The following SCAI variants were observed in gnomAD, a reference collection of about 807,000 sequenced individuals.
The protein encoded by SCAI is protein SCAI.
Under a neutral mutation model 92.2 loss-of-function variants are expected in SCAI, and 24 were observed. The observed-to-expected ratio is 0.26, with a 90% CI of 0.19 to 0.37. The LOEUF (loss-of-function observed/expected upper bound fraction) is 0.37. SCAI is among the 10% of genes least tolerant of loss of function. The probability of loss-of-function intolerance (pLI) is 1.00; values close to 1 mark genes in which losing one functional copy is unlikely to be tolerated. For synonymous variants in SCAI, 261 were observed against 258.6 expected, an observed-to-expected ratio of 1.01 and a Z score of -0.09; for missense variants, 450 against 736.2, an observed-to-expected ratio of 0.61 and a Z score of 4.50.
intron 17 of SCAI, among the ~76,000 whole-genome samples, chr9:124,956,452 C>T (rs1242654597): frequency 1.3e-5 from 2 of 152,182 alleles, no homozygotes; most frequent in African/African-American, 4.8e-5. Context: ...CTCCCAACCT[C>T]AGGTGATCTG....
chr9:125,016,220 A>C (rs1436996724), intron 9 of SCAI, among the ~76,000 whole-genome samples: 1 of 134,570 alleles, frequency 7.4e-6, no homozygotes, highest in Non-Finnish European at 1.5e-5. Context: ...TAATAAATAC[A>C]AAAAAAAAAT....
rs1184697065 is a variant in SCAI at position 124,947,186 on chromosome 9, A to AT, written c.*5620dup. The AT allele has an allele frequency of 6.6e-6, 1 of 152,100 alleles. No homozygotes were observed. The highest frequency in any genetic ancestry group is 2.4e-5 in the African/African-American group (1 of 41,416). 9.4% of individuals were successfully genotyped at this position (152,100 alleles called of 1,614,324 possible). On this transcript the variant is annotated 3_prime_UTR_variant, in exon 18 of 18. Transcript: ENST00000336505. ...TATGTTTTTAAATGTGATTAAAGCA[A>AT]TTTTTTTCCACAGCCTCTCTATTAA...
intron 6 of SCAI, among the ~76,000 whole-genome samples, chr9:125,023,092 A>G (rs1455960858): frequency 6.6e-6 from 1 of 152,134 alleles, no homozygotes; most frequent in Non-Finnish European, 1.5e-5. Context: ...ATTTGGCTCC[A>G]TTTTATTTTA....
At chr9:125,119,564 T>C (rs79965408) in intron 2 of SCAI, among the ~76,000 whole-genome samples, 4 of 152,152 alleles carry the variant, frequency 2.6e-5, no homozygotes, top group Non-Finnish European at 4.4e-5. Flanking sequence ...AAGGTAGAAA[T>C]ACATCTTGTT....
intron 14 of SCAI, among the ~76,000 whole-genome samples, chr9:124,986,990 C>A (rs1280865235): frequency 6.6e-6 from 1 of 152,188 alleles, no homozygotes; most frequent in Non-Finnish European, 1.5e-5. Flanking sequence ...AAAGGATTTT[C>A]TTCTTCCAGG....
At chr9:124,981,654 ATTTT>A in intron 14 of SCAI, among the ~76,000 whole-genome samples, 1 of 145,714 alleles carries the variant, frequency 6.9e-6, no homozygotes, top group Admixed American at 6.9e-5. Context: ...ATAGTATTAA[ATTTT>A]TTTTTTTTTT....
rs1401013984 is a variant in SCAI, at chr9:124,955,098, G to T, written c.1675-2145C>A. On this transcript the variant is annotated intron_variant, in intron 17 of 17. Transcript: ENST00000336505. ...CAGGAGAATTGCTTGAGCCCAAGAG[G>T]CGGAGGTTGCAGTGAGCCAAGATCG... 3.3e-5 allele frequency among the ~76,000 whole-genome samples: 5 copies of T among 151,658 alleles called. No homozygotes were observed. The East Asian group carries it at 9.7e-4, about 29-fold the overall frequency.
At chr9:125,048,125 T>G (rs978605518) in intron 3 of SCAI, among the ~76,000 whole-genome samples, 1 of 152,118 alleles carries the variant, frequency 6.6e-6, no homozygotes, top group African/African-American at 2.4e-5. Flanking sequence ...ACTACAGGCA[T>G]GTGCCACCAT....
chr9:125,129,322 T>A (rs1178934202), intron 2 of SCAI, among the ~76,000 whole-genome samples: 1 of 150,536 alleles, frequency 6.6e-6, no homozygotes, highest in Non-Finnish European at 1.5e-5. Flanking sequence ...ACGCCTGTAA[T>A]CCTAACTACT....
chr9:125,085,010 G>T (rs1224449851), intron 2 of SCAI, among the ~76,000 whole-genome samples: 1 of 152,180 alleles, frequency 6.6e-6, no homozygotes, highest in Non-Finnish European at 1.5e-5. Flanking sequence ...TTGTATGGAG[G>T]ATAATGAGCA....
At chr9:124,975,352 A>G (rs1831734438) in intron 15 of SCAI, 1 of 456,616 alleles carries the variant, frequency 2.2e-6, no homozygotes, top group South Asian at 1.5e-5. Flanking sequence ...GCTGGGAAGT[A>G]GCAGTAAAAT....
chr9:125,010,408 C>A (rs1316770131), intron 9 of SCAI, among the ~76,000 whole-genome samples: 4 of 152,212 alleles, frequency 2.6e-5, no homozygotes, highest in African/African-American at 9.6e-5. Flanking sequence ...GGGTCCTACA[C>A]CCACGGAGTC....
At chr9:124,964,641 C>T (rs770765597) in intron 17 of SCAI, among the ~76,000 whole-genome samples, 3 of 152,128 alleles carry the variant, frequency 2.0e-5, no homozygotes, top group African/African-American at 2.4e-5. Flanking sequence ...TGTTCTGGGG[C>T]AAGTAGGCCA....
At chr9:125,003,424 C>T (rs1449914341) in intron 10 of SCAI, 45 bp downstream of exon 10, 2 of 1,313,944 alleles carry the variant, frequency 1.5e-6, no homozygotes, top group African/African-American at 2.9e-5. Flanking sequence ...AGGAGAGACG[C>T]AGCCAGAGGG....
Position 124,994,922 on chromosome 9 carries a change from C to G in SCAI, c.1326+12G>C, listed in dbSNP as rs1321182200. 1 of 1,600,702 alleles carries G rather than the reference C, an allele frequency of 6.2e-7. No individual in the cohort carries two copies. ...CAATGTCTACCTGTGCAATAGCTCT[C>G]ATGGAACTCACCTTATACGCAACAC... On this transcript the variant is annotated intron_variant, in intron 14 of 17. Coordinates refer to ENST00000336505, the MANE Select transcript of SCAI (RefSeq NM_001144877.3).
At chr9:125,057,616 C>T (rs1052080150) in intron 2 of SCAI, among the ~76,000 whole-genome samples, 13 of 152,116 alleles carry the variant, frequency 8.5e-5, no homozygotes, top group South Asian at 2.1e-4. Flanking sequence ...ATATAAGCTA[C>T]GTGAGGAGGC....
intron 2 of SCAI, among the ~76,000 whole-genome samples, chr9:125,117,297 G>C (rs1334484740): frequency 1.3e-5 from 2 of 152,076 alleles, no homozygotes; most frequent in Non-Finnish European, 2.9e-5. Context: ...AACGTACCTA[G>C]GTTACTGAAA....
chr9:125,001,889 G>T, intron 12 of SCAI, 76 bp downstream of exon 12: 1 of 1,024,270 alleles, frequency 9.8e-7, no homozygotes, highest in Non-Finnish European at 1.5e-6. Flanking sequence ...TGGTCTGTGG[G>T]CTACGGGCCA....
chr9:124,965,002 G>T (rs1445384777), intron 17 of SCAI, among the ~76,000 whole-genome samples: 2 of 144,826 alleles, frequency 1.4e-5, no homozygotes, highest in South Asian at 2.1e-4. Flanking sequence ...TTTGTGGCAG[G>T]TTTTTTTTTT....
Sources: allele counts gnomAD v4.1 joint callset (sites outside exome capture counted in the v4.1 genomes callset), GRCh38; gene constraint gnomAD v4.1.1; transcripts MANE v1.5; gene names NCBI Gene and HGNC (gene_info 2026-07-23, HGNC 2026-07-21).